Variants in TBC1D1 observed in about 807,000 individuals in gnomAD.
TBC1D1 encodes TBC1 domain family member 1.
A neutral mutation model predicts 125.6 loss-of-function variants in TBC1D1; 89 were observed. The ratio of observed to expected loss-of-function variants is 0.71; its 90% CI spans 0.60 to 0.85. TBC1D1 has a LOEUF of 0.85. Among genes scored for constraint, TBC1D1 ranks in the 40% least tolerant of loss-of-function variants. TBC1D1 has a pLI of 0.00. For synonymous variants in TBC1D1, 565 were observed against 564.1 expected, an observed-to-expected ratio of 1.00 and a Z score of -0.02; for missense variants, 1,377 against 1,469.2, an observed-to-expected ratio of 0.94 and a Z score of 1.03.
chr4:38,054,457 G>A lies in TBC1D1; in HGVS notation c.2050+119G>A. On this transcript the variant is annotated intron_variant, in intron 12 of 19. Transcript: ENST00000261439. Reference sequence around the variant, plus strand: ...CCTCTTCAGTATTGGCAGGTCTGAGGCAATCACAAAGGTAACTAGGGAGGG... The same window carrying A: ...CCTCTTCAGTATTGGCAGGTCTGAGACAATCACAAAGGTAACTAGGGAGGG... 4 of 1,321,226 alleles carry A rather than the reference G, an allele frequency of 3.0e-6. No homozygotes were observed. In the South Asian group the frequency reaches 5.4e-5, roughly 18 times the overall value. 81.8% of individuals were successfully genotyped at this position (1,321,226 alleles called of 1,614,324 possible).
At chr4:38,037,498 C>T (rs1378883593) in intron 8 of TBC1D1, among the ~76,000 whole-genome samples, 4 of 152,056 alleles carry the variant, frequency 2.6e-5, no homozygotes, top group Non-Finnish European at 5.9e-5. Flanking sequence ...TTTTTCAGAG[C>T]AGCAGCTGCT....
In TBC1D1 at chr4:37,977,459, G is replaced by A. The variant is rs1052227096; in HGVS notation, c.418-37050G>A. The A allele has an allele frequency of 6.1e-6, 6 of 987,514 alleles. No individual in the cohort carries two copies. The highest frequency in any genetic ancestry group is 2.3e-4 in the East Asian group (2 of 8,658). 61.2% of individuals were successfully genotyped at this position (987,514 alleles called of 1,614,324 possible). A position where few individuals can be genotyped will look rare whatever the true frequency, so the allele number is the denominator to read the frequency against. Reference sequence around the variant, plus strand: ...GGGCCCACGGGCCGGCGGCGGGAGTGAGCGGGAGCCGGCGGGCGAAGAGCC... The same window carrying A: ...GGGCCCACGGGCCGGCGGCGGGAGTAAGCGGGAGCCGGCGGGCGAAGAGCC... On this transcript the variant is annotated intron_variant, in intron 2 of 19. Coordinates refer to ENST00000261439, the MANE Select transcript of TBC1D1 (RefSeq NM_015173.4). This position sits in a 1 kb window ranked among gnomAD's most constrained non-coding sequence, Gnocchi z 4.3.
intron 2 of TBC1D1, among the ~76,000 whole-genome samples, chr4:37,929,243 A>G (rs1320623816): frequency 6.6e-6 from 1 of 152,208 alleles, no homozygotes; most frequent in Non-Finnish European, 1.5e-5. Context: ...CTTGAATTGG[A>G]AATGATTATA....
chr4:37,960,724 C>A, intron 2 of TBC1D1: 1 of 1,614,210 alleles, frequency 6.2e-7, no homozygotes, highest in Non-Finnish European at 8.5e-7. Flanking sequence ...ACCGAGAAGA[C>A]TGTTAAAACA....
rs892318020 is a variant in TBC1D1, at chr4:37,926,548, G to C, written c.417+24036G>C. ...GCCTTTTTGAGGCTTCCCTTCCTCT[G>C]GGGGTGCTGATGCTGTGGCATATTC... On this transcript the variant is annotated intron_variant, in intron 2 of 19. Coordinates refer to ENST00000261439, the MANE Select transcript of TBC1D1 (RefSeq NM_015173.4). Among the ~76,000 whole-genome samples, 7 of 152,286 alleles carry C rather than the reference G, an allele frequency of 4.6e-5. 1 individual carries two copies. Among genetic ancestry groups the C allele is most frequent in the Non-Finnish European group, 1.5e-5 (1 of 68,030 alleles).
Position 38,071,473 on chromosome 4 carries a change from T to C in TBC1D1, c.2050+17135T>C, listed in dbSNP as rs1578546169. 2.6e-5 allele frequency among the ~76,000 whole-genome samples: 4 copies of C among 152,262 alleles called. No homozygotes were observed. In the South Asian group the frequency reaches 8.3e-4, roughly 32 times the overall value. ...TTTAAAAGACATCAAAGTTATCTTC[T>C]CCCATTACTCATCCTATACAATTAA... On this transcript the variant is annotated intron_variant, in intron 12 of 19. Transcript: ENST00000261439.
intron 12 of TBC1D1, among the ~76,000 whole-genome samples, chr4:38,063,484 G>C (rs892268891): frequency 2.0e-5 from 3 of 152,112 alleles, no homozygotes; most frequent in African/African-American, 7.2e-5. Flanking sequence ...TAGAAGGATA[G>C]ATTTGTTTTG....
intron 2 of TBC1D1, among the ~76,000 whole-genome samples, chr4:37,989,992 G>A (rs1736225328): frequency 2.0e-5 from 3 of 152,214 alleles, no homozygotes; most frequent in Admixed American, 2.0e-4. Context: ...TATTTGTTTA[G>A]CAGAATTTAT....
chr4:37,902,392 G>T lies in TBC1D1; in HGVS notation c.297G>T (p.Gln99His). 6.2e-7 allele frequency: 1 copy of T among 1,614,194 alleles called. No individual in the cohort carries two copies. Among genetic ancestry groups the T allele is most frequent in the South Asian group, 1.1e-5 (1 of 91,088 alleles). ...CCAGCATCTTTGAGTGCAAGCCTCA[G>T]CGTGTTCACAAACTGATTCACAACA... is the stretch of plus-strand genomic sequence containing the variant. The change falls in exon 2 of 20, where the codon CAG (glutamine) becomes CAT (histidine). Residue 99 changes from glutamine to histidine, a missense_variant. Gln to His is a conservative substitution (Grantham distance 24, BLOSUM62 0). This residue lies in a region of TBC1D1 where 822 missense variants were observed against 824.6 expected (regional missense o/e 1.00). Coordinates refer to ENST00000261439, the MANE Select transcript of TBC1D1 (RefSeq NM_015173.4).
At chr4:37,937,617 G>GTTTCATCAAGAAACAATAAT (rs1560501992) in intron 2 of TBC1D1, among the ~76,000 whole-genome samples, 4 of 152,028 alleles carry the variant, frequency 2.6e-5, no homozygotes, top group African/African-American at 9.7e-5. Context: ...GAAACAATAA[G>GTTTCATCAAGAAACAATAAT]AATTGTTTCA....
chr4:38,011,656 A>G (rs1295751307), intron 2 of TBC1D1, among the ~76,000 whole-genome samples: 1 of 152,222 alleles, frequency 6.6e-6, no homozygotes, highest in Non-Finnish European at 1.5e-5. Flanking sequence ...GACGGGGCAC[A>G]CCTTACCCTG....
intron 13 of TBC1D1, among the ~76,000 whole-genome samples, chr4:38,094,522 G>A (rs1315045641): frequency 6.6e-6 from 1 of 152,148 alleles, no homozygotes; most frequent in Non-Finnish European, 1.5e-5. Context: ...TGCACCATCT[G>A]CCTTGGTTGA....
chr4:37,926,694 G>A (rs531265513), intron 2 of TBC1D1, among the ~76,000 whole-genome samples: 55 of 152,312 alleles, frequency 3.6e-4, no homozygotes, highest in Admixed American at 3.1e-3. Context: ...CTACTTGGAC[G>A]TGGACATCGG....
intron 8 of TBC1D1, among the ~76,000 whole-genome samples, chr4:38,036,670 CCTTCT>C (rs1747279295): frequency 6.6e-6 from 1 of 152,188 alleles, no homozygotes; most frequent in Admixed American, 6.5e-5. Context: ...AAGGTTTCTA[CCTTCT>C]AGGTGGCTTT....
At chr4:37,997,711 C>G (rs1338091574) in intron 2 of TBC1D1, among the ~76,000 whole-genome samples, 1 of 152,016 alleles carries the variant, frequency 6.6e-6, no homozygotes, top group Middle Eastern at 3.4e-3. Flanking sequence ...TTAATAAGCA[C>G]TATTGAAAAT....
At chr4:38,052,143 A>G (rs1750677246) in intron 11 of TBC1D1, 83 bp downstream of exon 12, 1 of 1,374,910 alleles carries the variant, frequency 7.3e-7, no homozygotes, top group Non-Finnish European at 1.0e-6. Context: ...AATGGGGGGA[A>G]TGTCCATGCA....
chr4:37,977,487 C>G lies in TBC1D1; in HGVS notation c.418-37022C>G. 1 of 989,746 alleles carries G rather than the reference C, an allele frequency of 1.0e-6. No homozygotes were observed. Among genetic ancestry groups the G allele is most frequent in the Non-Finnish European group, 1.2e-6 (1 of 827,862 alleles). 61.3% of individuals were successfully genotyped at this position (989,746 alleles called of 1,614,324 possible). ...CGGGAGCCGGCGGGCGAAGAGCCGC[C>G]GCCCGGCCCGCGATGTCACCATTGT... On this transcript the variant is annotated intron_variant, in intron 2 of 19. Coordinates refer to ENST00000261439, the MANE Select transcript of TBC1D1 (RefSeq NM_015173.4). This position sits in a 1 kb window ranked among gnomAD's most constrained non-coding sequence, Gnocchi z 4.3.
intron 15 of TBC1D1, among the ~76,000 whole-genome samples, chr4:38,108,745 C>A (rs1343677781): frequency 6.6e-6 from 1 of 152,150 alleles, no homozygotes; most frequent in Non-Finnish European, 1.5e-5. Flanking sequence ...AAACTATAAT[C>A]CAATTTTTTA....
chr4:37,980,208 T>C (rs1734069057), intron 2 of TBC1D1, among the ~76,000 whole-genome samples: 1 of 152,208 alleles, frequency 6.6e-6, no homozygotes, highest in South Asian at 2.1e-4. Context: ...ATTATCTGTT[T>C]AAAGAAGAAA....
Sources: gnomAD v4.1 joint callset for allele counts (sites outside exome capture counted in the v4.1 genomes callset) on GRCh38, gnomAD v4.1.1 for gene constraint, gnomAD v4.1.1 regional missense constraint, Gnocchi (gnomAD v3.1) non-coding constraint, MANE v1.5 for transcripts, NCBI Gene and HGNC (gene_info 2026-07-23, HGNC 2026-07-21) for gene names.